Variants in SUMF1 observed in about 807,000 individuals in gnomAD.
SUMF1 encodes sulfatase modifying factor 1, also known as formylglycine-generating enzyme.
A neutral mutation model predicts 47.6 loss-of-function variants in SUMF1; 48 were observed. The ratio of observed to expected loss-of-function variants is 1.01; its 90% CI spans 0.80 to 1.28. The LOEUF is 1.28. Among genes scored for constraint, SUMF1 ranks in the 50% most tolerant of loss-of-function variants. The pLI is 0.00. For missense variants in SUMF1, 571 were observed against 485.4 expected (o/e 1.18, Z -1.66); for synonymous variants, 230 against 192.1 (o/e 1.20, Z -1.63).
intron 8 of SUMF1, among the ~76,000 whole-genome samples, chr3:4,071,936 A>C (rs1695536604): frequency 6.6e-6 from 1 of 152,118 alleles, no homozygotes; most frequent in Admixed American, 6.5e-5. Flanking sequence ...ATGGCATTGG[A>C]GCTCTTATAA....
chr3:4,291,003 A>T (rs1228041521), intron 8 of SUMF1, among the ~76,000 whole-genome samples: 1 of 152,198 alleles, frequency 6.6e-6, no homozygotes, highest in Non-Finnish European at 1.5e-5. Context: ...TCTCTACAGT[A>T]ATATGTAGTG....
At chr3:4,194,565 T>C (rs1050580312) in intron 8 of SUMF1, among the ~76,000 whole-genome samples, 4 of 152,164 alleles carry the variant, frequency 2.6e-5, no homozygotes, top group African/African-American at 9.7e-5. Context: ...GTCTAAACAG[T>C]CCAGAATTTA....
intron 4 of SUMF1, 119 bp from the exon 5 acceptor site, chr3:4,418,251 G>C: frequency 1.4e-6 from 2 of 1,445,086 alleles, no homozygotes; most frequent in South Asian, 1.2e-5. Flanking sequence ...AGGTCATCCT[G>C]GTCCTTAAGT....
intron 8 of SUMF1, among the ~76,000 whole-genome samples, chr3:4,077,960 A>G (rs1692475898): frequency 6.6e-6 from 1 of 152,092 alleles, no homozygotes; most frequent in African/African-American, 2.4e-5. Flanking sequence ...AAAAAGCTTG[A>G]TATTTTAGTC....
chr3:4,184,864 G>A (rs1328216179), intron 8 of SUMF1, among the ~76,000 whole-genome samples: 3 of 151,924 alleles, frequency 2.0e-5, no homozygotes, highest in African/African-American at 7.3e-5. Context: ...TGGCCAGGCT[G>A]GTCTGGAACT....
chr3:4,215,154 T>C (rs571958931), intron 8 of SUMF1, among the ~76,000 whole-genome samples: 2 of 152,278 alleles, frequency 1.3e-5, no homozygotes, highest in African/African-American at 4.8e-5. Flanking sequence ...CTCAATAAAA[T>C]ACTGGCAAAC....
At chr3:4,294,667 G>A (rs190352577) in intron 8 of SUMF1, among the ~76,000 whole-genome samples, 2 of 152,166 alleles carry the variant, frequency 1.3e-5, no homozygotes, top group Admixed American at 1.3e-4. Context: ...CCTCTAAGTT[G>A]TCAGGCTGCC....
At chr3:4,100,868 G>A (rs1327281304) in intron 8 of SUMF1, among the ~76,000 whole-genome samples, 1 of 151,840 alleles carries the variant, frequency 6.6e-6, no homozygotes, top group African/African-American at 2.4e-5. Flanking sequence ...CTTCTTAGAG[G>A]AAGACATAGA....
Position 4,278,649 on chromosome 3 carries a change from C to G in SUMF1, c.1014+97681G>C, listed in dbSNP as rs118088829. 5.8e-3 allele frequency among the ~76,000 whole-genome samples: 879 copies of G among 152,206 alleles called. 28 individuals are homozygous for G. The highest frequency in any genetic ancestry group is 0.046 in the Admixed American group (699 of 15,272). ...CCGTTTAGACATACGTTATCTCCCT[C>G]AAGTGGCACTGTCATCAGTCGAACC... On this transcript the variant is annotated intron_variant and NMD_transcript_variant, in intron 8 of 12. Coordinates refer to the SUMF1 transcript ENST00000448413.
At chr3:4,350,157 C>A (rs1025800716) in intron 8 of SUMF1, among the ~76,000 whole-genome samples, 1 of 151,756 alleles carries the variant, frequency 6.6e-6, no homozygotes. Context: ...TGCACCACCA[C>A]GCCAGGCTAA....
intron 8 of SUMF1, among the ~76,000 whole-genome samples, chr3:4,137,818 G>A (rs1025394100): frequency 9.2e-5 from 14 of 151,818 alleles, no homozygotes; most frequent in African/African-American, 1.2e-4. Context: ...GAGCAACTGC[G>A]CAGAAAAAGA....
At chr3:4,162,643 A>T (rs1015062616) in intron 8 of SUMF1, among the ~76,000 whole-genome samples, 6 of 152,168 alleles carry the variant, frequency 3.9e-5, no homozygotes, top group African/African-American at 1.4e-4. Flanking sequence ...TCCCACAAGC[A>T]TACATATTCT....
intron 8 of SUMF1, among the ~76,000 whole-genome samples, chr3:4,260,251 G>T (rs1172522420): frequency 6.6e-6 from 1 of 151,054 alleles, no homozygotes; most frequent in East Asian, 1.9e-4. Flanking sequence ...TTTAAAAGCA[G>T]GTACAAATAT....
chr3:4,322,443 T>G (rs1253323639), intron 8 of SUMF1, among the ~76,000 whole-genome samples: 1 of 152,102 alleles, frequency 6.6e-6, no homozygotes, highest in Admixed American at 6.6e-5. Flanking sequence ...TATTATCTTC[T>G]CAATTTTTAT....
At chr3:4,201,786 C>T (rs561817036) in intron 8 of SUMF1, among the ~76,000 whole-genome samples, 61 of 152,118 alleles carry the variant, frequency 4.0e-4, no homozygotes, top group Middle Eastern at 3.4e-3. Context: ...CTTTTCTCCA[C>T]ATCCTTGCCA....
At chr3:4,112,709 A>C (rs1021639056) in intron 8 of SUMF1, among the ~76,000 whole-genome samples, 1 of 152,152 alleles carries the variant, frequency 6.6e-6, no homozygotes, top group Non-Finnish European at 1.5e-5. Context: ...TAATGAGGCT[A>C]TAATCAGCAT....
chr3:4,045,643 T>G (rs1241154026), intron 9 of SUMF1, among the ~76,000 whole-genome samples: 1 of 152,100 alleles, frequency 6.6e-6, no homozygotes, highest in Non-Finnish European at 1.5e-5. Flanking sequence ...ACAGGCCTTG[T>G]GATTTTGTTT....
At chr3:4,356,607 T>C (rs1431346989), downstream of SUMF1, among the ~76,000 whole-genome samples, 1 of 152,046 alleles carries the variant, frequency 6.6e-6, no homozygotes, top group East Asian at 1.9e-4. Flanking sequence ...GTGAAACGTA[T>C]CAACTCTTCA....
chr3:4,233,404 G>A (rs966327752), intron 8 of SUMF1, among the ~76,000 whole-genome samples: 2 of 151,874 alleles, frequency 1.3e-5, no homozygotes, highest in Admixed American at 6.6e-5. Flanking sequence ...TTTATGAGCC[G>A]TTTTCATTTT....
Sources: allele counts gnomAD v4.1 joint callset (sites outside exome capture counted in the v4.1 genomes callset), GRCh38; gene constraint gnomAD v4.1.1; transcripts MANE v1.5; gene names NCBI Gene and HGNC (gene_info 2026-07-23, HGNC 2026-07-21).